IZUMO1: variants seen among roughly 807,000 people sequenced by gnomAD.
IZUMO1 encodes the protein izumo sperm-oocyte fusion 1, also known as izumo sperm-egg fusion protein 1.
IZUMO1 carries 44 observed loss-of-function variants against 40.7 expected under a neutral mutation model. That is an observed-to-expected ratio of 1.08 (90% CI 0.85 to 1.39). IZUMO1 has a LOEUF of 1.39. Ranked by LOEUF, IZUMO1 falls within the 40% of genes most tolerant of loss-of-function variation. IZUMO1 has a pLI of 0.00. For missense variants in IZUMO1, 368 were observed against 436.9 expected (o/e 0.84, Z 1.41); for synonymous variants, 149 against 170.9 (o/e 0.87, Z 1.00).
At chr19:48,745,974 T>G (rs1599761716) in intron 1 of IZUMO1, 42 bp from the exon 2 acceptor site, 1 of 1,507,434 alleles carries the variant, frequency 6.6e-7, no homozygotes, top group South Asian at 1.3e-5. Flanking sequence ...GAAATCCCAC[T>G]GGGCCGCCTA....
At chr19:48,743,202 T>C in intron 6 of IZUMO1, 1 of 515,958 alleles carries the variant, frequency 1.9e-6, no homozygotes, top group Non-Finnish European at 3.5e-6. Context: ...AATTTTTAAA[T>C]TTTTTTGTAG....
rs754757838 is a variant in IZUMO1 at position 48,741,934 on chromosome 19, C to T, written c.609G>A (p.Gly203=). The change falls in exon 8 of 10, where the codon GGG becomes GGA. Residue 203 remains glycine (G), a synonymous_variant. Coordinates refer to ENST00000332955, the MANE Select transcript of IZUMO1 (RefSeq NM_182575.3). The surrounding 1 kb of genome is among the most constrained non-coding windows in gnomAD (Gnocchi z 4.4). The part of the protein sequence containing the change: ...LTDYSFYRVW[G]NNTETLVSKG... ...TGGACACCAAGGTCTCCGTATTGTTCCCCCAAACCTAGACCCAAGCTCAAG... is the reference window on the plus strand; with the variant it reads ...TGGACACCAAGGTCTCCGTATTGTTTCCCCAAACCTAGACCCAAGCTCAAG... 5 of 1,601,130 alleles carry T rather than the reference C, an allele frequency of 3.1e-6. No homozygotes were observed. The highest frequency in any genetic ancestry group is 2.2e-5 in the South Asian group (2 of 90,056).
At chr19:48,743,127 A>G in intron 6 of IZUMO1, 1 of 356,896 alleles carries the variant, frequency 2.8e-6, no homozygotes, top group East Asian at 6.6e-5. Context: ...CCTGGGTCCA[A>G]GCAATCCTCC....
chr19:48,745,648 T>C lies in IZUMO1; in HGVS notation c.212A>G (p.Glu71Gly). Residue 71 changes from glutamate (E) to glycine (G), a missense_variant, in exon 2 of 10, where the codon GAG (glutamate) becomes GGG (glycine). Transcript: ENST00000332955. The stretch of plus-strand genomic sequence containing the variant: ...ACCAACGACCCCCATATAGGCATCC[T>C]CATTAAGCGACAGTTCCTGGAAATC... ...VKDFQELSLNEDAYMGVVDEA... is the reference protein window; with the variant it reads ...VKDFQELSLNGDAYMGVVDEA... The C allele has an allele frequency of 6.2e-7, 1 of 1,614,048 alleles. No individual in the cohort carries two copies. Among genetic ancestry groups the C allele is most frequent in the Non-Finnish European group, 8.5e-7 (1 of 1,179,984 alleles).
At position 48,742,074 on chromosome 19, in the gene IZUMO1, C is replaced by T. The variant is rs1308962744; in HGVS notation, c.601-132G>A. ...GTGTCACTGGTCAGGGCACGGGGTC[C>T]CCAGAGGTCTGTAGAGACCACACCT... On this transcript the variant is annotated intron_variant, in intron 7 of 9. Transcript: ENST00000332955. The T allele has an allele frequency of 3.3e-6, 5 of 1,513,194 alleles. No individual in the cohort carries two copies. In the Admixed American group the frequency reaches 9.6e-5, roughly 29 times the overall value. 93.7% of individuals were successfully genotyped at this position (1,513,194 alleles called of 1,614,324 possible).
At chr19:48,744,845 C>G (rs1030932699) in intron 3 of IZUMO1, among the ~76,000 whole-genome samples, 1 of 152,094 alleles carries the variant, frequency 6.6e-6, no homozygotes, top group Non-Finnish European at 1.5e-5. Flanking sequence ...CACCACCATG[C>G]CCAGCTAATA....
At position 48,741,693 on chromosome 19, in the gene IZUMO1, A is replaced by G; in HGVS notation, c.754+96T>C. 7.0e-7 allele frequency: 1 copy of G among 1,421,180 alleles called. No homozygotes were observed. The highest frequency in any genetic ancestry group is 1.4e-5 in the South Asian group (1 of 69,252). The allele number at this position is 1,421,180 out of a possible 1,614,324, so 88.0% of individuals were successfully genotyped here. A position where few individuals can be genotyped will look rare whatever the true frequency, so the allele number is the denominator to read the frequency against. ...GTGCCCCGAAACCACACCCAACAGG[A>G]AGTCACGCCCCCATCGCCAAGGCCA... On this transcript the variant is annotated intron_variant, in intron 8 of 9. Coordinates refer to ENST00000332955, the MANE Select transcript of IZUMO1 (RefSeq NM_182575.3). The surrounding 1 kb of genome is among the most constrained non-coding windows in gnomAD (Gnocchi z 4.4).
At chr19:48,742,706 CTCTTT>C (rs2033748708) in intron 6 of IZUMO1, among the ~76,000 whole-genome samples, 1 of 142,484 alleles carries the variant, frequency 7.0e-6, no homozygotes, top group African/African-American at 2.6e-5. Context: ...CTCGTCTTTT[CTCTTT>C]TCTTTCTCTC....
rs1410252557 is a variant in IZUMO1, at chr19:48,741,856, G to T, written c.687C>A (p.Gly229=). Residue 229 remains glycine, a synonymous_variant, in exon 8 of 10, where the codon GGC becomes GGA. Transcript: ENST00000332955. The surrounding 1 kb of genome is among the most constrained non-coding windows in gnomAD (Gnocchi z 4.4). ...CAGAGCCCAGCTCGCAGCGGTAGCT[G>T]CCTGCATCCTCTGGACCCACCATGG... ...TKPMVGPEDA[G]SYRCELGSVN... 6.2e-7 allele frequency: 1 copy of T among 1,611,840 alleles called. No homozygotes were observed. Among genetic ancestry groups the T allele is most frequent in the South Asian group, 1.1e-5 (1 of 90,990 alleles).
Position 48,741,549 on chromosome 19 carries a change from C to T in IZUMO1, c.755-71G>A. 1 of 1,495,172 alleles carries T rather than the reference C, an allele frequency of 6.7e-7. No homozygotes were observed. The highest frequency in any genetic ancestry group is 1.2e-5 in the South Asian group (1 of 84,024). 92.6% of individuals were successfully genotyped at this position (1,495,172 alleles called of 1,614,324 possible). On this transcript the variant is annotated intron_variant, in intron 8 of 9. Coordinates refer to ENST00000332955, the MANE Select transcript of IZUMO1 (RefSeq NM_182575.3). The surrounding 1 kb of genome is among the most constrained non-coding windows in gnomAD (Gnocchi z 4.4). Reference sequence around the variant, plus strand: ...CCTGCCCTGGCAAAGACAAGCCCGTCCCAGTAGCCGGCCATCCCAGAGATA... The same window carrying T: ...CCTGCCCTGGCAAAGACAAGCCCGTTCCAGTAGCCGGCCATCCCAGAGATA...
In IZUMO1 at chr19:48,741,665, C is replaced by T; in HGVS notation, c.754+124G>A. 1 of 1,338,532 alleles carries T rather than the reference C, an allele frequency of 7.5e-7. No individual in the cohort carries two copies. The highest frequency in any genetic ancestry group is 2.5e-5 in the East Asian group (1 of 40,502). The allele number at this position is 1,338,532 out of a possible 1,614,324, so 82.9% of individuals were successfully genotyped here. A position where few individuals can be genotyped will look rare whatever the true frequency, so the allele number is the denominator to read the frequency against. On this transcript the variant is annotated intron_variant, in intron 8 of 9. Transcript: ENST00000332955. This position sits in a 1 kb window ranked among gnomAD's most constrained non-coding sequence, Gnocchi z 4.4. ...CCACGCCCCCGGCAGGAAGCCACAC[C>T]CCGTGCCCCGAAACCACACCCAACA...
chr19:48,742,725 C>CTCT (rs1555766578), intron 6 of IZUMO1, among the ~76,000 whole-genome samples: 3 of 93,486 alleles, frequency 3.2e-5, no homozygotes, highest in East Asian at 7.4e-4. Context: ...TTCTCTCTCT[C>CTCT]TTTTTTTTTT....
In IZUMO1 at chr19:48,741,785, T is replaced by C; in HGVS notation, c.754+4A>G. On this transcript the variant is annotated splice_donor_region_variant and intron_variant, in intron 8 of 9. Transcript: ENST00000332955. The surrounding 1 kb of genome is among the most constrained non-coding windows in gnomAD (Gnocchi z 4.4). ...TACACTTCTCTCAGCCCCACAGCACTGACCTGTGACGTGAAAATTGATGAT... is the reference window on the plus strand; with the variant it reads ...TACACTTCTCTCAGCCCCACAGCACCGACCTGTGACGTGAAAATTGATGAT... The C allele has an allele frequency of 6.3e-7, 1 of 1,575,498 alleles. No homozygotes were observed. The highest frequency in any genetic ancestry group is 2.3e-5 in the East Asian group (1 of 44,164).
chr19:48,745,866 C>T lies in IZUMO1; in HGVS notation c.-7G>A, dbSNP rs771864542. ...GGGTAAAATGCGGCCCCATTGCAGC[C>T]GGCGCGCACAGTTCCCGAAGACCGT... On this transcript the variant is annotated 5_prime_UTR_variant, in exon 2 of 10. Transcript: ENST00000332955. 10 of 1,613,982 alleles carry T rather than the reference C, an allele frequency of 6.2e-6. No homozygotes were observed. The highest frequency in any genetic ancestry group is 1.7e-4 in the Middle Eastern group (1 of 6,058).
chr19:48,745,458 G>C (rs1303955026), intron 2 of IZUMO1, 167 bp downstream of exon 2: 1 of 1,040,358 alleles, frequency 9.6e-7, no homozygotes. Flanking sequence ...ATTGCCAGCC[G>C]AGGATAGGGA....
At position 48,741,659 on chromosome 19, in the gene IZUMO1, C is replaced by T; in HGVS notation, c.754+130G>A. 5 of 1,321,580 alleles carry T rather than the reference C, an allele frequency of 3.8e-6. No homozygotes were observed. In the Admixed American group the frequency reaches 1.1e-4, roughly 29 times the overall value. 81.9% of individuals were successfully genotyped at this position (1,321,580 alleles called of 1,614,324 possible). ...CAGAGGCCACGCCCCCGGCAGGAAG[C>T]CACACCCCGTGCCCCGAAACCACAC... On this transcript the variant is annotated intron_variant, in intron 8 of 9. Coordinates refer to ENST00000332955, the MANE Select transcript of IZUMO1 (RefSeq NM_182575.3). This position sits in a 1 kb window ranked among gnomAD's most constrained non-coding sequence, Gnocchi z 4.4.
rs201790934 is a variant in IZUMO1 at position 48,745,630 on chromosome 19, A to G, written c.230T>C (p.Val77Ala). The G allele has an allele frequency of 1.5e-4, 246 of 1,612,742 alleles. No homozygotes were observed. The highest frequency in any genetic ancestry group is 1.9e-4 in the Non-Finnish European group (226 of 1,179,736). ...GTGGTCCCCCCTGCCCTCACCAACG[A>G]CCCCCATATAGGCATCCTCATTAAG... ...LSLNEDAYMG[V>A]VDEATLQKGS... is the part of the protein sequence containing the mutation. The change falls in exon 2 of 10, where the codon GTC becomes GCC. Residue 77 changes from valine to alanine, a missense_variant. Transcript: ENST00000332955.
rs745781893 is a variant in IZUMO1, at chr19:48,745,772, C to T, written c.88G>A (p.Val30Met). Residue 30 changes from valine to methionine, a missense_variant, in exon 2 of 10, where the codon GTG becomes ATG. Val to Met is a conservative substitution (Grantham distance 21). Coordinates refer to ENST00000332955, the MANE Select transcript of IZUMO1 (RefSeq NM_182575.3). ...EGCVICDPSV[V>M]LALKSLEKDY... ...TTCTCCAGGGACTTTAGCGCCAGCA[C>T]GACAGACGGGTCACATATAACACAC... The T allele has an allele frequency of 6.2e-7, 1 of 1,614,098 alleles. No homozygotes were observed. The highest frequency in any genetic ancestry group is 1.1e-5 in the South Asian group (1 of 91,090).
chr19:48,744,157 T>C lies in IZUMO1; in HGVS notation c.418+18A>G. 1.9e-6 allele frequency: 3 copies of C among 1,612,082 alleles called. No homozygotes were observed. The African/African-American group carries it at 4.0e-5, about 22-fold the overall frequency. On this transcript the variant is annotated intron_variant, in intron 5 of 9. Coordinates refer to ENST00000332955, the MANE Select transcript of IZUMO1 (RefSeq NM_182575.3). ...TCAGAGGGCAGGATGAGGGTTAACTTCTGTAATCCAGACTCACCACATTTG... is the reference window on the plus strand; with the variant it reads ...TCAGAGGGCAGGATGAGGGTTAACTCCTGTAATCCAGACTCACCACATTTG...
Sources: allele counts gnomAD v4.1 joint callset (sites outside exome capture counted in the v4.1 genomes callset), GRCh38; gene constraint gnomAD v4.1.1; non-coding constraint Gnocchi (gnomAD v3.1); transcripts MANE v1.5; gene names NCBI Gene and HGNC (gene_info 2026-07-23, HGNC 2026-07-21).